Variants in KRT7 observed in about 807,000 individuals in gnomAD.
The protein encoded by KRT7 is keratin 7.
KRT7 carries 50 observed loss-of-function variants against 42.8 expected under a neutral mutation model. The ratio of observed to expected loss-of-function variants is 1.17; its 90% CI spans 0.93 to 1.48. KRT7 has a LOEUF of 1.48. Among genes scored for constraint, KRT7 ranks in the 40% most tolerant of loss-of-function variants. KRT7 has a pLI of 0.00. For synonymous variants in KRT7, 268 were observed against 266.3 expected, an observed-to-expected ratio of 1.01 and a Z score of -0.06; for missense variants, 588 against 637.6, an observed-to-expected ratio of 0.92 and a Z score of 0.84.
At chr12:52,242,901 C>A (rs767398527) in intron 5 of KRT7, 111 bp from the exon 6 acceptor site, 1 of 1,273,848 alleles carries the variant, frequency 7.9e-7, no homozygotes, top group Non-Finnish European at 1.1e-6. Flanking sequence ...GGGAGTCAGA[C>A]TGTCCTTCCC....
rs1356437228 is a variant in KRT7 at position 52,233,314 on chromosome 12, C to T, written c.18C>T (p.Ser6=). MSIHF[S]SPVFTSRSAA... ...CAGCCACCATGTCCATCCACTTCAG[C>T]TCCCCGGTATTCACCTCGCGCTCAG... The change falls in exon 1 of 9, where the codon AGC becomes AGT. Residue 6 remains serine, a synonymous_variant. Coordinates refer to ENST00000331817, the MANE Select transcript of KRT7 (RefSeq NM_005556.4). 2 of 1,566,582 alleles carry T rather than the reference C, an allele frequency of 1.3e-6. No homozygotes were observed. The highest frequency in any genetic ancestry group is 2.3e-5 in the South Asian group (2 of 85,500).
downstream of KRT7, chr12:52,254,182 A>G (rs1942307495): frequency 3.6e-6 from 2 of 555,036 alleles, no homozygotes; most frequent in Admixed American, 2.1e-5. Flanking sequence ...TTGTCCCACC[A>G]TAGGGTCAGA....
chr12:52,255,689 C>A (rs1592402974), downstream of KRT7, among the ~76,000 whole-genome samples: 4 of 152,338 alleles, frequency 2.6e-5, no homozygotes, highest in South Asian at 8.3e-4. Flanking sequence ...TGGGCTGTAA[C>A]TCCTTTGGGG....
rs1293913484 is a variant in KRT7, at chr12:52,245,632, G to A, written c.1205G>A (p.Arg402Gln). The A allele has an allele frequency of 8.1e-6, 13 of 1,613,300 alleles. No individual in the cohort carries two copies. Among genetic ancestry groups the A allele is most frequent in the Admixed American group, 3.3e-5 (2 of 60,020 alleles). Residue 402 changes from arginine to glutamine, a missense_variant and splice_region_variant, in exon 7 of 9, where the codon CGG (arginine) becomes CAG (glutamine). Transcript: ENST00000331817. ...YRKLLEGEES[R>Q]LAGDGVGAVN... ...AAGCTGCTGGAGGGCGAGGAGAGCC[G>A]GTGAGGACAAGGAACCTGGAAAGGG...
chr12:52,241,452 G>T lies in KRT7; in HGVS notation c.694-20G>T. 1 of 1,589,884 alleles carries T rather than the reference G, an allele frequency of 6.3e-7. No individual in the cohort carries two copies. On this transcript the variant is annotated intron_variant, in intron 4 of 8. Coordinates refer to ENST00000331817, the MANE Select transcript of KRT7 (RefSeq NM_005556.4). ...ATAGGATCCTGCCCTAAGTCCTGAT[G>T]TCCCGTCTGGTCCCTACAGGAGTTG...
chr12:52,247,258 A>G (rs1252676797), intron 7 of KRT7: 1 of 152,230 alleles, frequency 6.6e-6, no homozygotes, highest in Non-Finnish European at 1.5e-5. Context: ...GCATCGTACC[A>G]GAAATTCTTC....
intron 1 of KRT7, among the ~76,000 whole-genome samples, chr12:52,234,147 C>T (rs953831802): frequency 6.6e-6 from 1 of 151,216 alleles, no homozygotes; most frequent in African/African-American, 2.4e-5. Context: ...GCTCCCGCCC[C>T]TCCCCTCCCC....
intron 4 of KRT7, among the ~76,000 whole-genome samples, chr12:52,240,255 AT>A (rs1252321085): frequency 6.6e-6 from 1 of 152,274 alleles, no homozygotes; most frequent in African/African-American, 2.4e-5. Context: ...CTGTGTGTAT[AT>A]ATATAAAGTT....
intron 7 of KRT7, chr12:52,247,895 CCCATGAATTTGGT>C: frequency 2.0e-6 from 1 of 511,096 alleles, no homozygotes; most frequent in Non-Finnish European, 3.5e-6. Flanking sequence ...CCCTCACAGG[CCCATGAATTTGGT>C]CCTGTAGTTG....
chr12:52,240,505 C>T (rs1942072897), intron 4 of KRT7, among the ~76,000 whole-genome samples: 1 of 152,040 alleles, frequency 6.6e-6, no homozygotes, highest in Non-Finnish European at 1.5e-5. Context: ...TGGCGGGTGC[C>T]TGTAATCCCA....
chr12:52,248,448 A>G (rs1164669284), intron 8 of KRT7, 143 bp from the exon 9 acceptor site: 1 of 921,454 alleles, frequency 1.1e-6, no homozygotes, highest in Non-Finnish European at 1.6e-6. Context: ...CCCCTGTCAG[A>G]TGCTCCTTCT....
At position 52,238,669 on chromosome 12, in the gene KRT7, C is replaced by T. The variant is rs745520006; in HGVS notation, c.598-11C>T. The T allele has an allele frequency of 5.6e-6, 9 of 1,598,604 alleles. No individual in the cohort carries two copies. Among genetic ancestry groups the T allele is most frequent in the Non-Finnish European group, 7.7e-6 (9 of 1,165,806 alleles). On this transcript the variant is annotated splice_polypyrimidine_tract_variant and intron_variant, in intron 3 of 8. Coordinates refer to ENST00000331817, the MANE Select transcript of KRT7 (RefSeq NM_005556.4). Reference sequence around the variant, plus strand: ...TGGTCTCCCTCTGCCCCATCTTGCCCCAACCCCCAGGATGTGGATGCTGCC... The same window carrying T: ...TGGTCTCCCTCTGCCCCATCTTGCCTCAACCCCCAGGATGTGGATGCTGCC...
downstream of KRT7, chr12:52,253,528 G>A (rs893508404): frequency 1.9e-5 from 30 of 1,594,000 alleles, no homozygotes; most frequent in Non-Finnish European, 2.6e-5. Context: ...CCCAGAAAAG[G>A]AAGCCTATTT....
In KRT7 at chr12:52,233,480, G is replaced by T. The variant is rs529710163; in HGVS notation, c.184G>T (p.Gly62Cys). The change falls in exon 1 of 9, where the codon GGC becomes TGC. Residue 62 changes from glycine to cysteine, a missense_variant. Transcript: ENST00000331817. ...RSAYGGPVGA[G>C]IREVTINQSL... ...TGCCTATGGGGGCCCGGTGGGCGCC[G>T]GCATCCGCGAGGTCACCATTAACCA... 1 of 1,610,342 alleles carries T rather than the reference G, an allele frequency of 6.2e-7. No individual in the cohort carries two copies. The highest frequency in any genetic ancestry group is 2.2e-5 in the East Asian group (1 of 44,688).
At chr12:52,243,268 C>G in intron 6 of KRT7, 131 bp downstream of exon 6, 1 of 1,037,840 alleles carries the variant, frequency 9.6e-7, no homozygotes, top group African/African-American at 1.6e-5. Flanking sequence ...CTCAGACCCC[C>G]TTGTGAGATC....
chr12:52,235,390 G>A (rs367579400), intron 2 of KRT7, 24 bp downstream of exon 2: 481 of 1,578,536 alleles, frequency 3.0e-4, no homozygotes, highest in Non-Finnish European at 3.8e-4. Context: ...TGCCACATGC[G>A]AAGACCCCTG....
chr12:52,252,776 T>C (rs941335870), downstream of KRT7, among the ~76,000 whole-genome samples: 3 of 152,254 alleles, frequency 2.0e-5, no homozygotes, highest in Admixed American at 6.5e-5. Flanking sequence ...TTTTGTGCTT[T>C]CCAGTTTACC....
Position 52,235,299 on chromosome 12 carries a change from G to T in KRT7, c.469G>T (p.Val157Leu). 6.2e-7 allele frequency: 1 copy of T among 1,614,070 alleles called. No homozygotes were observed. Among genetic ancestry groups the T allele is most frequent in the East Asian group, 2.2e-5 (1 of 44,888 alleles). The change falls in exon 2 of 9, where the codon GTG (valine) becomes TTG (leucine). Residue 157 changes from valine to leucine, a missense_variant. By Grantham distance (32) the Val-to-Leu change is conservative (BLOSUM62 1). Transcript: ENST00000331817. ...TCGGGGTCAGCTTGAGGCACTGCAG[G>T]TGGATGGGGGCCGCCTGGAGGCGGA... ...GLRGQLEALQ[V>L]DGGRLEAELR...
chr12:52,255,256 G>A (rs1283384158), downstream of KRT7: 4 of 439,162 alleles, frequency 9.1e-6, no homozygotes, highest in Non-Finnish European at 1.8e-5. Flanking sequence ...CCTGATGTTA[G>A]TCAAGGTCTC....
Sources: allele counts gnomAD v4.1 joint callset (sites outside exome capture counted in the v4.1 genomes callset), GRCh38; gene constraint gnomAD v4.1.1; transcripts MANE v1.5; gene names NCBI Gene and HGNC (gene_info 2026-07-23, HGNC 2026-07-21).